Variants in SLC16A7 observed in about 807,000 individuals in gnomAD.
SLC16A7 encodes the protein solute carrier family 16 member 7, also known as monocarboxylate transporter 2.
In SLC16A7, 33 loss-of-function variants were observed where a neutral mutation model predicts 34.9. The ratio of observed to expected loss-of-function variants is 0.94; its 90% CI spans 0.72 to 1.26. The LOEUF (loss-of-function observed/expected upper bound fraction) is 1.26, where lower values mean the gene tolerates loss of function less well. SLC16A7 is among the 50% of genes most tolerant of loss of function. SLC16A7 has a pLI of 0.00. For synonymous variants in SLC16A7, 201 were observed against 206.6 expected (o/e 0.97, Z 0.23); for missense variants, 573 against 578.1 (o/e 0.99, Z 0.09).
chr12:59,714,827 A>T (rs1386671921), intron 3 of SLC16A7, among the ~76,000 whole-genome samples: 2 of 152,080 alleles, frequency 1.3e-5, no homozygotes, highest in Non-Finnish European at 2.9e-5. Context: ...GGCCTCCCAA[A>T]GTGCTGGGAT....
At chr12:59,612,613 C>T (rs899815317) in intron 1 of SLC16A7, among the ~76,000 whole-genome samples, 1 of 152,198 alleles carries the variant, frequency 6.6e-6, no homozygotes, top group Non-Finnish European at 1.5e-5. Context: ...TTTTCTATCA[C>T]ATCATCAGGC....
intron 2 of SLC16A7, among the ~76,000 whole-genome samples, chr12:59,665,809 CGTGT>C (rs34983187): frequency 0.023 from 3,278 of 142,970 alleles, 55 homozygotes; most frequent in African/African-American, 0.05. Flanking sequence ...ATATATAACA[CGTGT>C]GTGTGTGTGT....
chr12:59,700,978 C>T (rs1047395429), intron 2 of SLC16A7, among the ~76,000 whole-genome samples: 6 of 151,478 alleles, frequency 4.0e-5, no homozygotes, highest in Admixed American at 6.6e-5. Context: ...TTTTTTTCGA[C>T]GCTCAAGATG....
chr12:59,691,977 A>C (rs1871714884), intron 2 of SLC16A7, among the ~76,000 whole-genome samples: 1 of 152,016 alleles, frequency 6.6e-6, no homozygotes, highest in African/African-American at 2.4e-5. Flanking sequence ...GGGCAGTCGT[A>C]GCAAACTACT....
At chr12:59,734,909 A>C (rs569360003) in intron 3 of SLC16A7, among the ~76,000 whole-genome samples, 14 of 152,352 alleles carry the variant, frequency 9.2e-5, no homozygotes, top group Non-Finnish European at 2.1e-4. Context: ...TCATGCATTT[A>C]TGCATTACTC....
rs973019587 is a variant in SLC16A7, at chr12:59,781,621, T to G, written c.*1942T>G. 2.6e-5 allele frequency: 4 copies of G among 152,568 alleles called. No homozygotes were observed. The highest frequency in any genetic ancestry group is 5.9e-5 in the Non-Finnish European group (4 of 68,024). 9.5% of individuals were successfully genotyped at this position (152,568 alleles called of 1,614,324 possible). A position where few individuals can be genotyped will look rare whatever the true frequency, so the allele number is the denominator to read the frequency against. On this transcript the variant is annotated 3_prime_UTR_variant, in exon 6 of 6. Coordinates refer to ENST00000547379, the MANE Select transcript of SLC16A7 (RefSeq NM_001270623.2). ...TCATAGGTAAATAAATTAGGGAAAA[T>G]GTGGGACTTTATGGCTGTTTTTAAT...
At chr12:59,604,969 C>T (rs1878866651) in intron 1 of SLC16A7, among the ~76,000 whole-genome samples, 1 of 152,188 alleles carries the variant, frequency 6.6e-6, no homozygotes, top group Admixed American at 6.5e-5. Context: ...GCCTCAGCCT[C>T]CCAAGTAGCT....
chr12:59,739,770 A>G (rs61933794), intron 3 of SLC16A7, among the ~76,000 whole-genome samples: 4 of 151,918 alleles, frequency 2.6e-5, no homozygotes, highest in African/African-American at 9.7e-5. Flanking sequence ...ATTGTGGTTT[A>G]GATTTGCATT....
At chr12:59,743,764 A>G (rs1878589512) in intron 3 of SLC16A7, among the ~76,000 whole-genome samples, 1 of 152,316 alleles carries the variant, frequency 6.6e-6, no homozygotes, top group South Asian at 2.1e-4. Context: ...AAAATGAGGA[A>G]TTTTTATACT....
At chr12:59,775,672 A>G (rs1882691496) in intron 5 of SLC16A7, among the ~76,000 whole-genome samples, 197 bp downstream of exon 5, 1 of 152,154 alleles carries the variant, frequency 6.6e-6, no homozygotes, top group Admixed American at 6.6e-5. Flanking sequence ...TTGTTTCAGA[A>G]CCTGGACCTG....
chr12:59,621,795 G>A (rs1167964937), intron 1 of SLC16A7, among the ~76,000 whole-genome samples: 1 of 151,752 alleles, frequency 6.6e-6, no homozygotes, highest in Admixed American at 6.6e-5. Context: ...TAGGTAGGGG[G>A]GTTGGGGTGG....
intron 2 of SLC16A7, among the ~76,000 whole-genome samples, chr12:59,676,612 C>T (rs565346495): frequency 2.6e-5 from 4 of 151,974 alleles, no homozygotes; most frequent in South Asian, 4.2e-4. Context: ...AACAATAAAT[C>T]GCTTTTCTTT....
At position 59,696,217 on chromosome 12, in the gene SLC16A7, A is replaced by C. The variant is rs997256174; in HGVS notation, c.-30-8555A>C. Among the ~76,000 whole-genome samples, 11 of 151,418 alleles carry C rather than the reference A, an allele frequency of 7.3e-5. No individual in the cohort carries two copies. In the East Asian group the frequency reaches 1.2e-3, roughly 16 times the overall value. ...TTTATTTTAATTTTTTCTCATGCGC[A>C]TGTTTGGTCATTTTAGTCATATCTT... On this transcript the variant is annotated intron_variant, in intron 2 of 5. Transcript: ENST00000547379.
chr12:59,723,478 C>T (rs1263877514), intron 3 of SLC16A7, among the ~76,000 whole-genome samples: 2 of 151,704 alleles, frequency 1.3e-5, no homozygotes, highest in Admixed American at 6.6e-5. Context: ...CTTTTAAAGA[C>T]GGAGATGTGA....
intron 2 of SLC16A7, among the ~76,000 whole-genome samples, chr12:59,666,327 C>A (rs1453595915): frequency 1.3e-5 from 2 of 152,046 alleles, no homozygotes; most frequent in African/African-American, 4.8e-5. Context: ...TGATATTTTC[C>A]CAATTTATGC....
In SLC16A7 at chr12:59,752,097, AC is replaced by A. The variant is rs747737243; in HGVS notation, c.218-19119del. On this transcript the variant is annotated intron_variant, in intron 3 of 5. Transcript: ENST00000547379. The stretch of plus-strand genomic sequence containing the variant: ...AACAGAAAGGACATCCACACCAAAA[AC>A]CCATCTGTACATCACCATCATCAAA... Among the ~76,000 whole-genome samples the A allele has an allele frequency of 1.6e-4, 24 of 152,162 alleles. No individual in the cohort carries two copies. The East Asian group carries it at 4.3e-3, about 27-fold the overall frequency.
intron 3 of SLC16A7, among the ~76,000 whole-genome samples, chr12:59,718,883 A>AT (rs1875234060): frequency 6.6e-6 from 1 of 152,180 alleles, no homozygotes; most frequent in Non-Finnish European, 1.5e-5. Flanking sequence ...TCTTTAGCCT[A>AT]TGGTACTTCT....
At chr12:59,602,453 A>G (rs1878728939) in intron 1 of SLC16A7, among the ~76,000 whole-genome samples, 1 of 110,688 alleles carries the variant, frequency 9.0e-6, no homozygotes, top group Non-Finnish European at 1.9e-5. Flanking sequence ...CAATATAAGT[A>G]TGTCTTCCCC....
At chr12:59,688,737 A>G (rs891334254) in intron 2 of SLC16A7, among the ~76,000 whole-genome samples, 1 of 152,098 alleles carries the variant, frequency 6.6e-6, no homozygotes, top group African/African-American at 2.4e-5. Context: ...AAAACAAAAA[A>G]GGAGAAACTT....
Sources: gnomAD v4.1 joint callset for allele counts (sites outside exome capture counted in the v4.1 genomes callset) on GRCh38, gnomAD v4.1.1 for gene constraint, MANE v1.5 for transcripts, NCBI Gene and HGNC (gene_info 2026-07-23, HGNC 2026-07-21) for gene names.